The following BCAS3 variants were observed in gnomAD, a reference collection of about 807,000 sequenced individuals.
BCAS3 encodes the protein BCAS4/BCAS3 fusion.
In BCAS3, 53 loss-of-function variants were observed where a neutral mutation model predicts 116.1. That is an observed-to-expected ratio of 0.46 (90% CI 0.37 to 0.57). The LOEUF (loss-of-function observed/expected upper bound fraction) is 0.57, where lower values mean the gene tolerates loss of function less well. Ranked by LOEUF, BCAS3 falls within the 20% of genes least tolerant of loss-of-function variation. The pLI is 0.00. For synonymous variants in BCAS3, 391 were observed against 408.2 expected (o/e 0.96, Z 0.51); for missense variants, 917 against 1,165.4 (o/e 0.79, Z 3.10).
In BCAS3 at chr17:61,004,949, C is replaced by A. The variant is rs2064547848; in HGVS notation, c.1487-10802C>A. ...ATTTCACTCTGGTCTAGTTTTGGAG[C>A]AGATTGAAATGTGTCTATATTTGAT... On this transcript the variant is annotated intron_variant, in intron 15 of 23. Transcript: ENST00000407086. The surrounding 1 kb of genome is among the most constrained non-coding windows in gnomAD (Gnocchi z 4.8). 6.6e-6 allele frequency among the ~76,000 whole-genome samples: 1 copy of A among 151,992 alleles called. No homozygotes were observed. Among genetic ancestry groups the A allele is most frequent in the African/African-American group, 2.4e-5 (1 of 41,402 alleles).
At chr17:60,955,823 A>T (rs1385871488) in intron 14 of BCAS3, among the ~76,000 whole-genome samples, 1 of 152,108 alleles carries the variant, frequency 6.6e-6, no homozygotes, top group African/African-American at 2.4e-5. Flanking sequence ...TTTTTATCTG[A>T]TGTTTCATTA....
intron 22 of BCAS3, among the ~76,000 whole-genome samples, chr17:61,311,572 G>A (rs971441868): frequency 2.6e-5 from 4 of 152,144 alleles, no homozygotes; most frequent in African/African-American, 7.2e-5. Flanking sequence ...AACTTGGGGG[G>A]TAAATTGTTG....
In BCAS3 at chr17:60,995,133, A is replaced by G. The variant is rs796408938; in HGVS notation, c.1486+4898A>G. Among the ~76,000 whole-genome samples, 14 of 152,198 alleles carry G rather than the reference A, an allele frequency of 9.2e-5. No homozygotes were observed. Among genetic ancestry groups the G allele is most frequent in the African/African-American group, 3.1e-4 (13 of 41,538 alleles). On this transcript the variant is annotated intron_variant, in intron 15 of 23. Transcript: ENST00000407086. This position sits in a 1 kb window ranked among gnomAD's most constrained non-coding sequence, Gnocchi z 4.7. ...GCTGGGATTACAGGTGCGTGCCACC[A>G]TGCCCAGCTAATTCTATTCTATTCT...
At position 61,251,219 on chromosome 17, in the gene BCAS3, TGGTG is replaced by T; in HGVS notation, c.2426-117106_2426-117103del. On this transcript the variant is annotated intron_variant, in intron 22 of 23. Transcript: ENST00000407086. This position sits in a 1 kb window ranked among gnomAD's most constrained non-coding sequence, Gnocchi z 4.7. ...AGTATTTGTCAGGCTGATGATAAGC[TGGTG>T]GAGAGTCTGTTAACTCAAGGCCTGA... Among the ~76,000 whole-genome samples the T allele has an allele frequency of 6.6e-6, 1 of 152,292 alleles. No homozygotes were observed. The highest frequency in any genetic ancestry group is 2.4e-5 in the African/African-American group (1 of 41,560).
intron 4 of BCAS3, among the ~76,000 whole-genome samples, chr17:60,703,525 C>T (rs1358289290): frequency 6.6e-6 from 1 of 151,436 alleles, no homozygotes; most frequent in Non-Finnish European, 1.5e-5. Flanking sequence ...TAGCACATTG[C>T]ACTTCAGCCT....
At chr17:61,166,066 T>C (rs1243966140) in intron 22 of BCAS3, among the ~76,000 whole-genome samples, 2 of 152,250 alleles carry the variant, frequency 1.3e-5, no homozygotes, top group African/African-American at 4.8e-5. Context: ...AGCTTCTTGA[T>C]GAATGAAGGA....
At chr17:60,979,645 C>T (rs2062659935) in intron 14 of BCAS3, among the ~76,000 whole-genome samples, 1 of 150,112 alleles carries the variant, frequency 6.7e-6, no homozygotes, top group Non-Finnish European at 1.5e-5. Context: ...TCATAGATAG[C>T]TCTTATTATT....
At chr17:61,306,810 A>C (rs1418124919) in intron 22 of BCAS3, among the ~76,000 whole-genome samples, 2 of 152,176 alleles carry the variant, frequency 1.3e-5, no homozygotes, top group Admixed American at 1.3e-4. Flanking sequence ...AAAAAAAACA[A>C]AGCTCTTTTC....
intron 22 of BCAS3, among the ~76,000 whole-genome samples, chr17:61,113,991 A>G (rs1308061258): frequency 2.0e-5 from 3 of 150,270 alleles, no homozygotes; most frequent in Non-Finnish European, 3.0e-5. Context: ...CAAAAACCAC[A>G]TGATTATCTC....
At chr17:61,275,059 C>T (rs564075077) in intron 22 of BCAS3, among the ~76,000 whole-genome samples, 2 of 152,038 alleles carry the variant, frequency 1.3e-5, no homozygotes, top group East Asian at 1.9e-4. Flanking sequence ...AGCATGTCGC[C>T]CAGGCTAGTC....
At chr17:60,715,569 A>T (rs1413123850) in intron 5 of BCAS3, among the ~76,000 whole-genome samples, 2 of 149,466 alleles carry the variant, frequency 1.3e-5, no homozygotes, top group Non-Finnish European at 3.0e-5. Flanking sequence ...GCTCACTGCA[A>T]CCTCCGCCTC....
In BCAS3 at chr17:60,799,520, G is replaced by GTTTTTTT. The variant is rs200098763; in HGVS notation, c.404-8481_404-8480insTTTTTTT. On this transcript the variant is annotated intron_variant, in intron 6 of 23. Transcript: ENST00000407086. ...AATATGTAAGTTTTTTGAGATTAGTGTTTGTTTTTTTTTTTTTTTTTTTTT... is the reference window on the plus strand; with the variant it reads ...AATATGTAAGTTTTTTGAGATTAGTGTTTTTTTTTTGTTTTTTTTTTTTTTTTTTTTT... Among the ~76,000 whole-genome samples, 242 of 117,616 alleles carry GTTTTTTT rather than the reference G, an allele frequency of 2.1e-3. 26 individuals carry two copies. The highest frequency in any genetic ancestry group is 4.9e-3 in the African/African-American group (132 of 27,164). The allele number at this position is 117,616 out of a possible 152,430, so 77.2% of individuals were successfully genotyped here. A position where few individuals can be genotyped will look rare whatever the true frequency, so the allele number is the denominator to read the frequency against.
At chr17:61,357,277 T>TAAATAAATAAATAAAA (rs1568930807) in intron 22 of BCAS3, among the ~76,000 whole-genome samples, 20 of 144,820 alleles carry the variant, frequency 1.4e-4, no homozygotes, top group African/African-American at 5.2e-4. Context: ...AATTAATTAA[T>TAAATAAATAAATAAAA]TAAATAAATA....
chr17:61,125,634 T>G (rs1169278951), intron 22 of BCAS3, among the ~76,000 whole-genome samples: 2 of 152,174 alleles, frequency 1.3e-5, no homozygotes, highest in African/African-American at 4.8e-5. Flanking sequence ...CTCTTAAGTT[T>G]TGCTCACCAA....
intron 22 of BCAS3, among the ~76,000 whole-genome samples, chr17:61,175,536 T>C (rs2079085404): frequency 6.6e-6 from 1 of 152,244 alleles, no homozygotes; most frequent in African/African-American, 2.4e-5. Flanking sequence ...GCAAAACATA[T>C]GTCACCAATG....
rs1441804299 is a variant in BCAS3 at position 61,285,189 on chromosome 17, G to A, written c.2426-83138G>A. On this transcript the variant is annotated intron_variant, in intron 22 of 23. Coordinates refer to ENST00000407086, the MANE Select transcript of BCAS3 (RefSeq NM_017679.5). This position sits in a 1 kb window ranked among gnomAD's most constrained non-coding sequence, Gnocchi z 5.4. ...ACCAGAGAAATGAAAAGTATCACTT[G>A]AGAACTAAATTGGGGTGTTTTGCTT... is the stretch of plus-strand genomic sequence containing the variant. Among the ~76,000 whole-genome samples the A allele has an allele frequency of 6.6e-6, 1 of 151,202 alleles. No homozygotes were observed. The highest frequency in any genetic ancestry group is 1.5e-5 in the Non-Finnish European group (1 of 67,958).
chr17:60,705,937 G>A (rs913936475), intron 4 of BCAS3, among the ~76,000 whole-genome samples: 1 of 152,164 alleles, frequency 6.6e-6, no homozygotes, highest in Non-Finnish European at 1.5e-5. Context: ...TATACTGAGT[G>A]TGCCTGCCTC....
At chr17:61,001,511 C>T (rs759685305) in intron 15 of BCAS3, among the ~76,000 whole-genome samples, 6 of 152,168 alleles carry the variant, frequency 3.9e-5, no homozygotes, top group Admixed American at 2.6e-4. Flanking sequence ...CTTTCCACAT[C>T]ACTGTTTACT....
intron 5 of BCAS3, among the ~76,000 whole-genome samples, chr17:60,736,924 TCCTCCCTC>T (rs573369408): frequency 0.026 from 3,261 of 127,288 alleles, 99 homozygotes; most frequent in African/African-American, 0.088. Context: ...CTTCCTCCCT[TCCTCCCTC>T]CCTTCCTTCC....
Sources: gnomAD v4.1 joint callset for allele counts (sites outside exome capture counted in the v4.1 genomes callset) on GRCh38, gnomAD v4.1.1 for gene constraint, Gnocchi (gnomAD v3.1) non-coding constraint, MANE v1.5 for transcripts, NCBI Gene and HGNC (gene_info 2026-07-23, HGNC 2026-07-21) for gene names.